The following GPR179 variants were observed in gnomAD, a reference collection of about 807,000 sequenced individuals.
GPR179 encodes the protein probable G protein-coupled receptor 179.
In GPR179, 52 loss-of-function variants were observed where a neutral mutation model predicts 70.8. That is an observed-to-expected ratio of 0.73 (90% CI 0.59 to 0.93). GPR179 has a LOEUF of 0.93. Ranked by LOEUF, GPR179 falls within the 40% of genes least tolerant of loss-of-function variation. GPR179 has a pLI of 0.00. For synonymous variants in GPR179, 1,123 were observed against 1,169.0 expected (o/e 0.96, Z 0.80); for missense variants, 2,734 against 2,966.8 (o/e 0.92, Z 1.82).
At position 38,327,477 on chromosome 17, in the gene GPR179, C is replaced by A. The variant is rs773519183; in HGVS notation, c.6092G>T (p.Gly2031Val). Residue 2031 changes from glycine to valine, a missense_variant, in exon 11 of 11, where the codon GGG becomes GTG. Coordinates refer to ENST00000616987, the MANE Select transcript of GPR179 (RefSeq NM_001004334.4). ...WEVTERIPVKGVSRQDGKGDS... is the reference protein window; with the variant it reads ...WEVTERIPVKVVSRQDGKGDS... ...CCCTTTTCCATCCTGCCTTGACACC[C>A]CTTTGACAGGGATTCTTTCAGTCAC... 3.7e-6 allele frequency: 6 copies of A among 1,614,108 alleles called. No homozygotes were observed. Among genetic ancestry groups the A allele is most frequent in the African/African-American group, 2.7e-5 (2 of 74,934 alleles).
Position 38,328,462 on chromosome 17 carries a change from C to G in GPR179, c.5107G>C (p.Glu1703Gln), listed in dbSNP as rs2144257450. Residue 1703 changes from glutamate to glutamine, a missense_variant, in exon 11 of 11, where the codon GAA becomes CAA. Physicochemically the swap from Glu to Gln is conservative, Grantham distance 29. Coordinates refer to ENST00000616987, the MANE Select transcript of GPR179 (RefSeq NM_001004334.4). ...GCACCCACCTCCCAGGGACAGATTT[C>G]TGCCTTCCCAGCAGTCAAGTTTTCC... ...VEENLTAGKA[E>Q]ICPWEVGAGA... is the part of the protein sequence containing the mutation. The G allele has an allele frequency of 1.2e-6, 2 of 1,614,182 alleles. No homozygotes were observed. The highest frequency in any genetic ancestry group is 4.5e-5 in the East Asian group (2 of 44,890).
At chr17:38,337,996 T>A (rs1046311773) in intron 2 of GPR179, among the ~76,000 whole-genome samples, 1 of 152,190 alleles carries the variant, frequency 6.6e-6, no homozygotes, top group African/African-American at 2.4e-5. Flanking sequence ...GACAGGAGCC[T>A]CATAGGACCC....
Position 38,328,952 on chromosome 17 carries a change from C to G in GPR179, c.4617G>C (p.Glu1539Asp). The G allele has an allele frequency of 6.2e-7, 1 of 1,614,144 alleles. No homozygotes were observed. The highest frequency in any genetic ancestry group is 8.5e-7 in the Non-Finnish European group (1 of 1,179,976). The change falls in exon 11 of 11, where the codon GAG becomes GAC. Residue 1539 changes from glutamate (E) to aspartate (D), a missense_variant. Glu to Asp is a conservative substitution (Grantham distance 45). Coordinates refer to ENST00000616987, the MANE Select transcript of GPR179 (RefSeq NM_001004334.4). ...SQQQESVCPR[E>D]STVPGHSSPC... ...GGCTGGAGTGCCCAGGGACCGTGCTCTCCCTGGGACAAACTGACTCCTGCT... is the reference window on the plus strand; with the variant it reads ...GGCTGGAGTGCCCAGGGACCGTGCTGTCCCTGGGACAAACTGACTCCTGCT...
Position 38,331,320 on chromosome 17 carries a change from G to C in GPR179, c.2249C>G (p.Ser750Cys). 1 of 1,607,118 alleles carries C rather than the reference G, an allele frequency of 6.2e-7. No homozygotes were observed. The highest frequency in any genetic ancestry group is 1.1e-5 in the South Asian group (1 of 90,202). ...GCTGGAGCTGAGGAGCCGGCGGCGG[G>C]AGGAGCCGGGCAGGCTGCCGTGGCC... ...SPGHGSLPGS[S>C]RRRLLSSSLQ... The change falls in exon 11 of 11, where the codon TCC (serine) becomes TGC (cysteine). Residue 750 changes from serine to cysteine, a missense_variant. Coordinates refer to ENST00000616987, the MANE Select transcript of GPR179 (RefSeq NM_001004334.4).
Position 38,329,479 on chromosome 17 carries a change from C to T in GPR179, c.4090G>A (p.Glu1364Lys), listed in dbSNP as rs765007436. ...GTATGAGCTTCTGGGCCAGCAGCTT[C>T]CCACCCAGGCTTCTCCACCTTCCTG... is the stretch of plus-strand genomic sequence containing the variant. Reference protein sequence around the residue: ...EARKVEKPGWEAAGPEAHTPD... With the variant: ...EARKVEKPGWKAAGPEAHTPD... The change falls in exon 11 of 11, where the codon GAA (glutamate) becomes AAA (lysine). Residue 1364 changes from glutamate (E) to lysine (K), a missense_variant. Glu to Lys is a moderately conservative substitution (Grantham distance 56, BLOSUM62 1). Transcript: ENST00000616987. The T allele has an allele frequency of 6.8e-6, 11 of 1,614,044 alleles. No homozygotes were observed. The East Asian group carries it at 2.5e-4, about 36-fold the overall frequency.
chr17:38,336,951 G>A (rs746565261), intron 4 of GPR179, 27 bp downstream of exon 4: 1 of 1,560,808 alleles, frequency 6.4e-7, no homozygotes, highest in South Asian at 1.2e-5. Context: ...TCGGACATGT[G>A]TGTAGGAGGT....
At chr17:38,342,416 G>A (rs920225631) in intron 1 of GPR179, among the ~76,000 whole-genome samples, 14 of 151,024 alleles carry the variant, frequency 9.3e-5, no homozygotes, top group East Asian at 2.0e-4. Context: ...TCACCGCAAC[G>A]TCTGCCTCTG....
chr17:38,341,739 G>A (rs2037450451), intron 1 of GPR179, among the ~76,000 whole-genome samples: 1 of 152,194 alleles, frequency 6.6e-6, no homozygotes, highest in African/African-American at 2.4e-5. Context: ...AGGCAGGATA[G>A]TGCGGCCTGC....
In GPR179 at chr17:38,329,116, CA is replaced by C. The variant is rs2037323221; in HGVS notation, c.4452del (p.Asp1484GlufsTer4). ...QKAEICPWELDDNVMGQEMLS... is the reference protein window; with the variant it reads ...QKAEICPWELXDNVMGQEMLS... The stretch of plus-strand genomic sequence containing the variant: ...AGCATTTCCTGCCCCATCACGTTAT[CA>C]TCCAGCTCCCAGGGACAGATCTCTG... On this transcript the variant is annotated frameshift_variant, in exon 11 of 11. Coordinates refer to ENST00000616987, the MANE Select transcript of GPR179 (RefSeq NM_001004334.4). LOFTEE classifies it low-confidence loss of function (END_TRUNC). 1 of 1,614,072 alleles carries C rather than the reference CA, an allele frequency of 6.2e-7. No individual in the cohort carries two copies. Among genetic ancestry groups the C allele is most frequent in the Non-Finnish European group, 8.5e-7 (1 of 1,180,032 alleles).
chr17:38,336,467 G>A lies in GPR179; in HGVS notation c.1228-323C>T, dbSNP rs1045335648. Among the ~76,000 whole-genome samples the A allele has an allele frequency of 4.6e-5, 7 of 152,206 alleles. No individual in the cohort carries two copies. The East Asian group carries it at 5.8e-4, about 13-fold the overall frequency. On this transcript the variant is annotated intron_variant, in intron 4 of 10. Coordinates refer to ENST00000616987, the MANE Select transcript of GPR179 (RefSeq NM_001004334.4). ...AAGGGATCTCATGCATTCCTCAAGC[G>A]TTGGGTCAGGCTGCTCCCTTGTCTA... is the stretch of plus-strand genomic sequence containing the variant.
intron 4 of GPR179, 138 bp downstream of exon 4, chr17:38,336,840 T>C: frequency 1.1e-6 from 1 of 885,882 alleles, no homozygotes; most frequent in South Asian, 1.8e-5. Context: ...GAGAAATCAC[T>C]TGCATCATGC....
chr17:38,340,541 C>G (rs896950862), intron 1 of GPR179, among the ~76,000 whole-genome samples: 2 of 152,194 alleles, frequency 1.3e-5, no homozygotes, highest in African/African-American at 4.8e-5. Flanking sequence ...CTGGGCGTCC[C>G]AAAGTGCTGG....
chr17:38,330,654 G>A lies in GPR179; in HGVS notation c.2915C>T (p.Pro972Leu). 2.5e-6 allele frequency: 4 copies of A among 1,597,250 alleles called. No individual in the cohort carries two copies. Among genetic ancestry groups the A allele is most frequent in the Non-Finnish European group, 3.4e-6 (4 of 1,170,468 alleles). Residue 972 changes from proline (P) to leucine (L), a missense_variant, in exon 11 of 11, where the codon CCA becomes CTA. By Grantham distance (98) the Pro-to-Leu change is moderately conservative. Transcript: ENST00000616987. ...PALLPALAPT[P>L]APALAPVPVS... Reference sequence around the variant, plus strand: ...TGGGACTGGTGCCAGGGCAGGGGCTGGGGTTGGAGCTAGAGCTGGCAGCAG... The same window carrying A: ...TGGGACTGGTGCCAGGGCAGGGGCTAGGGTTGGAGCTAGAGCTGGCAGCAG...
chr17:38,326,979 G>C lies in GPR179; in HGVS notation c.6590C>G (p.Ser2197Ter). ...GTGSGGLLPQSGALDPELKVS... is the reference protein window; with the variant it reads ...GTGSGGLLPQ The stretch of plus-strand genomic sequence containing the variant: ...TTTGAGTTCTGGGTCCAGGGCACCT[G>C]ACTGGGGCAAGAGCCCTCCTGAGCC... Residue 2197 changes from serine to a stop codon, truncating the protein, a stop_gained, in exon 11 of 11, where the codon TCA becomes TGA. Transcript: ENST00000616987. LOFTEE classifies it low-confidence loss of function (END_TRUNC). 1.2e-6 allele frequency: 2 copies of C among 1,614,102 alleles called. No homozygotes were observed. Among genetic ancestry groups the C allele is most frequent in the South Asian group, 2.2e-5 (2 of 91,086 alleles).
rs2037401891 is a variant in GPR179, at chr17:38,336,071, C to T, written c.1296+5G>A. The T allele has an allele frequency of 6.2e-7, 1 of 1,607,556 alleles. No individual in the cohort carries two copies. The highest frequency in any genetic ancestry group is 1.7e-5 in the Admixed American group (1 of 59,986). ...GGTGGGGCCAGCCTGTGGCCACAGA[C>T]TCACAGGAAAGTAAAGCAGCAGGAA... On this transcript the variant is annotated splice_donor_5th_base_variant and intron_variant, in intron 5 of 10. Transcript: ENST00000616987.
Position 38,324,631 on chromosome 17 carries a change from G to A in GPR179, c.*1834C>T, listed in dbSNP as rs1281765328. 9.6e-6 allele frequency among the ~76,000 whole-genome samples: 1 copy of A among 103,700 alleles called. No homozygotes were observed. Among genetic ancestry groups the A allele is most frequent in the Non-Finnish European group, 1.7e-5 (1 of 57,632 alleles). 68.0% of individuals were successfully genotyped at this position (103,700 alleles called of 152,430 possible). ...CCCCACCCCATGGTTTATTTCACAA[G>A]AGTGTGTTTGGCGGCAACTTTGCTG... On this transcript the variant is annotated 3_prime_UTR_variant, in exon 11 of 11. Coordinates refer to ENST00000616987, the MANE Select transcript of GPR179 (RefSeq NM_001004334.4).
Position 38,329,861 on chromosome 17 carries a change from A to G in GPR179, c.3708T>C (p.Ala1236=). ...GGCATACCTCTGCCACCCTGTGGTCAGCGCTGCCCAGGGACTGGAGGCCAG... is the reference window on the plus strand; with the variant it reads ...GGCATACCTCTGCCACCCTGTGGTCGGCGCTGCCCAGGGACTGGAGGCCAG... ...PKAGLQSLGS[A]DHRVAEVCPW... Residue 1236 remains alanine (A), a synonymous_variant, in exon 11 of 11, where the codon GCT becomes GCC. Transcript: ENST00000616987. 6.2e-7 allele frequency: 1 copy of G among 1,614,132 alleles called. No homozygotes were observed. Among genetic ancestry groups the G allele is most frequent in the Non-Finnish European group, 8.5e-7 (1 of 1,179,996 alleles).
chr17:38,333,784 G>A, intron 9 of GPR179, 149 bp downstream of exon 9: 1 of 624,388 alleles, frequency 1.6e-6, no homozygotes, highest in Non-Finnish European at 2.8e-6. Flanking sequence ...TCAGCTCCTA[G>A]CTTAGGGCCC....
At chr17:38,333,421 GAA>G in intron 9 of GPR179, 24 bp from the exon 10 acceptor site, 1 of 1,607,786 alleles carries the variant, frequency 6.2e-7, no homozygotes. Context: ...ATAAGAGTGG[GAA>G]AAAGACTCGC....
Sources: allele counts gnomAD v4.1 joint callset (sites outside exome capture counted in the v4.1 genomes callset), GRCh38; gene constraint gnomAD v4.1.1; transcripts MANE v1.5; gene names NCBI Gene and HGNC (gene_info 2026-07-23, HGNC 2026-07-21).